Variants in SLC35F3 observed in about 807,000 individuals in gnomAD.
SLC35F3 encodes solute carrier family 35 member F3.
SLC35F3 carries 25 observed loss-of-function variants against 49.9 expected under a neutral mutation model. The observed-to-expected ratio is 0.50, with a 90% CI of 0.37 to 0.70. SLC35F3 has a LOEUF of 0.70. SLC35F3 is among the 30% of genes least tolerant of loss of function. SLC35F3 has a pLI of 0.00. For synonymous variants in SLC35F3, 275 were observed against 265.4 expected (o/e 1.04, Z -0.35); for missense variants, 525 against 639.8 (o/e 0.82, Z 1.94).
chr1:234,148,400 T>C lies in SLC35F3; in HGVS notation c.284-83017T>C, dbSNP rs1182711167. The stretch of plus-strand genomic sequence containing the variant: ...GTTTTGCAGGGAAAGAGCAACAGTC[T>C]ATGCTAGCTCACTAGCTTGAACTCT... On this transcript the variant is annotated intron_variant, in intron 2 of 7. Transcript: ENST00000366618. 3.3e-5 allele frequency among the ~76,000 whole-genome samples: 5 copies of C among 152,228 alleles called. No homozygotes were observed. In the East Asian group the frequency reaches 9.6e-4, roughly 29 times the overall value.
At chr1:234,260,745 C>A (rs950931664) in intron 3 of SLC35F3, among the ~76,000 whole-genome samples, 1 of 152,166 alleles carries the variant, frequency 6.6e-6, no homozygotes, top group Admixed American at 6.5e-5. Flanking sequence ...TCAGGTGAGT[C>A]ATTTCCTGAT....
intron 2 of SLC35F3, among the ~76,000 whole-genome samples, chr1:234,147,341 T>G (rs1047702845): frequency 6.6e-6 from 1 of 152,098 alleles, no homozygotes; most frequent in African/African-American, 2.4e-5. Context: ...AACTTGCTGT[T>G]TATCCAATTT....
chr1:234,283,040 C>T (rs1047061149), intron 3 of SLC35F3, among the ~76,000 whole-genome samples: 2 of 152,194 alleles, frequency 1.3e-5, no homozygotes, highest in African/African-American at 4.8e-5. Flanking sequence ...AAGAAAAATG[C>T]TTCCTGCCAC....
At chr1:234,122,271 A>C (rs1665587780) in intron 2 of SLC35F3, among the ~76,000 whole-genome samples, 2 of 152,246 alleles carry the variant, frequency 1.3e-5, no homozygotes, top group Admixed American at 1.3e-4. Context: ...CATGTGTTGT[A>C]ATGATACATC....
At chr1:234,116,487 A>T (rs935144552) in intron 2 of SLC35F3, among the ~76,000 whole-genome samples, 4 of 34,348 alleles carry the variant, frequency 1.2e-4, no homozygotes, top group Admixed American at 2.8e-4. Flanking sequence ...CCTCCCTCCC[A>T]CCCCCCATTA....
At chr1:234,148,922 A>G (rs1666033534) in intron 2 of SLC35F3, among the ~76,000 whole-genome samples, 1 of 152,162 alleles carries the variant, frequency 6.6e-6, no homozygotes, top group South Asian at 2.1e-4. Flanking sequence ...ATTTCCTGTG[A>G]TGGGAAAACA....
intron 2 of SLC35F3, among the ~76,000 whole-genome samples, chr1:234,055,507 A>T (rs1664444030): frequency 6.6e-6 from 1 of 152,230 alleles, no homozygotes. Context: ...CCATTGGAAA[A>T]GCGCAGGATT....
chr1:234,162,084 A>G (rs1479117761), intron 2 of SLC35F3, among the ~76,000 whole-genome samples: 1 of 152,078 alleles, frequency 6.6e-6, no homozygotes, highest in Admixed American at 6.5e-5. Flanking sequence ...ACCCTGCAGC[A>G]GGGCTCGCCA....
chr1:234,221,221 G>A (rs1006052520), intron 2 of SLC35F3, among the ~76,000 whole-genome samples: 3 of 152,136 alleles, frequency 2.0e-5, no homozygotes, highest in Non-Finnish European at 4.4e-5. Flanking sequence ...CTGGATACTT[G>A]GTTGAAGTGT....
chr1:234,318,647 C>A, intron 5 of SLC35F3, 104 bp from the exon 6 acceptor site: 1 of 958,162 alleles, frequency 1.0e-6, no homozygotes, highest in Non-Finnish European at 1.6e-6. Flanking sequence ...TGGTTTCCAT[C>A]CTGCAGTGCA....
chr1:233,976,399 A>G (rs1663080506), intron 2 of SLC35F3, among the ~76,000 whole-genome samples: 2 of 152,222 alleles, frequency 1.3e-5, no homozygotes, highest in Admixed American at 6.5e-5. Flanking sequence ...GGAGCAGAGT[A>G]GAGATCTCCC....
At chr1:234,256,546 T>G (rs565401573) in intron 3 of SLC35F3, among the ~76,000 whole-genome samples, 3 of 152,360 alleles carry the variant, frequency 2.0e-5, no homozygotes, top group Admixed American at 2.0e-4. Context: ...TCCTCTCTTT[T>G]GTGGTTTGAC....
rs377647436 is a variant in SLC35F3, at chr1:234,143,350, G to A, written c.284-88067G>A. Among the ~76,000 whole-genome samples the A allele has an allele frequency of 7.1e-4, 105 of 148,742 alleles. 1 individual carries two copies. Among genetic ancestry groups the A allele is most frequent in the Middle Eastern group, 3.5e-3 (1 of 284 alleles). On this transcript the variant is annotated intron_variant, in intron 2 of 7. Transcript: ENST00000366618. ...GTGGCCCAGGCTGGAGTGCAGTGGC[G>A]TGATTTTGGCTCATTGCAATCTCCG...
chr1:234,258,132 G>A (rs142965669), intron 3 of SLC35F3, among the ~76,000 whole-genome samples: 3 of 152,318 alleles, frequency 2.0e-5, no homozygotes, highest in African/African-American at 4.8e-5. Flanking sequence ...CAGCCTCCCC[G>A]AAAGCTTGGA....
At chr1:234,221,798 C>T (rs1435732199) in intron 2 of SLC35F3, among the ~76,000 whole-genome samples, 3 of 152,178 alleles carry the variant, frequency 2.0e-5, no homozygotes, top group Non-Finnish European at 4.4e-5. Flanking sequence ...TTGGACATGT[C>T]GCCTGGCCTC....
chr1:234,135,009 C>G (rs1665788736), intron 2 of SLC35F3, among the ~76,000 whole-genome samples: 1 of 152,148 alleles, frequency 6.6e-6, no homozygotes, highest in African/African-American at 2.4e-5. Context: ...CCTGAGCCAC[C>G]ACGCCCAGCC....
intron 3 of SLC35F3, among the ~76,000 whole-genome samples, chr1:234,252,477 A>G (rs1170536798): frequency 1.3e-5 from 2 of 152,226 alleles, no homozygotes; most frequent in Non-Finnish European, 2.9e-5. Flanking sequence ...AAATTAGCAA[A>G]CTAGAAAAAA....
At chr1:234,283,961 G>C (rs1015299835) in intron 3 of SLC35F3, among the ~76,000 whole-genome samples, 5 of 151,978 alleles carry the variant, frequency 3.3e-5, no homozygotes, top group Non-Finnish European at 7.4e-5. Flanking sequence ...GCTGGAGTGC[G>C]GTTGTGCAAT....
chr1:234,216,814 G>A (rs543108176), intron 2 of SLC35F3, among the ~76,000 whole-genome samples: 2 of 152,310 alleles, frequency 1.3e-5, no homozygotes, highest in African/African-American at 4.8e-5. Context: ...ATGCAATAAG[G>A]TAGAGGTAGC....
Sources: gnomAD v4.1 joint callset for allele counts (sites outside exome capture counted in the v4.1 genomes callset) on GRCh38, gnomAD v4.1.1 for gene constraint, MANE v1.5 for transcripts, NCBI Gene and HGNC (gene_info 2026-07-23, HGNC 2026-07-21) for gene names.